PWWP3A: variants seen among roughly 807,000 people sequenced by gnomAD.
PWWP3A encodes the protein PWWP domain-containing DNA repair factor 3A.
A neutral mutation model predicts 79.0 loss-of-function variants in PWWP3A; 53 were observed. The observed-to-expected ratio is 0.67, with a 90% CI of 0.54 to 0.84. PWWP3A has a LOEUF of 0.84. Ranked by LOEUF, PWWP3A falls within the 40% of genes least tolerant of loss-of-function variation. PWWP3A has a pLI of 0.00. For synonymous variants in PWWP3A, 443 were observed against 394.4 expected (o/e 1.12, Z -1.46); for missense variants, 973 against 948.0 (o/e 1.03, Z -0.35).
rs1350936190 is a variant in PWWP3A, at chr19:1,368,743, T to C, written c.1423-522T>C. On this transcript the variant is annotated intron_variant, in intron 9 of 13. Transcript: ENST00000591337. The surrounding 1 kb of genome is among the most constrained non-coding windows in gnomAD (Gnocchi z 4.7). Reference sequence around the variant, plus strand: ...GACGATAGCTCCCAACAAAAACGGCTGTTAGAGCAGCTTATTTCCAGGACT... The same window carrying C: ...GACGATAGCTCCCAACAAAAACGGCCGTTAGAGCAGCTTATTTCCAGGACT... Among the ~76,000 whole-genome samples, 1 of 152,220 alleles carries C rather than the reference T, an allele frequency of 6.6e-6. No individual in the cohort carries two copies.
In PWWP3A at chr19:1,364,587, C is replaced by T; in HGVS notation, c.1284+8C>T. 1.3e-6 allele frequency: 2 copies of T among 1,585,492 alleles called. No individual in the cohort carries two copies. The highest frequency in any genetic ancestry group is 1.8e-4 in the Middle Eastern group (1 of 5,692). ...CCCTTCTGGCCAGCAGTGGTAAGAACAGCTTCCTCCGTCTTCTCAGATGTA... is the reference window on the plus strand; with the variant it reads ...CCCTTCTGGCCAGCAGTGGTAAGAATAGCTTCCTCCGTCTTCTCAGATGTA... On this transcript the variant is annotated splice_region_variant and intron_variant, in intron 7 of 13. Transcript: ENST00000591337.
At position 1,372,911 on chromosome 19, in the gene PWWP3A, A is replaced by G. The variant is rs1307010967; in HGVS notation, c.1987-161A>G. ...TTAATTAAGAAACATCATTACAAGC[A>G]GGGATTCATGGACTAGGTTTGCACC... On this transcript the variant is annotated intron_variant, in intron 12 of 13. Transcript: ENST00000591337. The G allele has an allele frequency of 2.5e-5, 15 of 600,786 alleles. No individual in the cohort carries two copies. In the South Asian group the frequency reaches 2.7e-4, roughly 11 times the overall value. 37.2% of individuals were successfully genotyped at this position (600,786 alleles called of 1,614,324 possible).
chr19:1,359,057 C>G (rs1413247437), intron 4 of PWWP3A: 2 of 278,750 alleles, frequency 7.2e-6, no homozygotes, highest in Non-Finnish European at 1.5e-5. Context: ...AGTTTAGCAC[C>G]CACCTCCTTT....
At chr19:1,364,241 A>C (rs1255758118) in intron 6 of PWWP3A, 1 of 620,508 alleles carries the variant, frequency 1.6e-6, no homozygotes, top group Non-Finnish European at 3.1e-6. Flanking sequence ...TCCCATCCCA[A>C]GGGTGCGTTT....
chr19:1,356,186 G>T, intron 1 of PWWP3A, 138 bp from the exon 2 acceptor site: 68 of 539,638 alleles, frequency 1.3e-4, no homozygotes, highest in Non-Finnish European at 1.6e-4. Context: ...TTTTGGCATT[G>T]AGCATCTCAA....
chr19:1,362,392 G>T (rs200241944), intron 6 of PWWP3A, 41 bp downstream of exon 6: 2 of 1,530,926 alleles, frequency 1.3e-6, no homozygotes, highest in Non-Finnish European at 1.8e-6. Context: ...CTAACGGTGC[G>T]CTCAGAGGCA....
At chr19:1,367,587 C>T (rs1000266374) in intron 9 of PWWP3A, among the ~76,000 whole-genome samples, 8 of 152,236 alleles carry the variant, frequency 5.3e-5, no homozygotes, top group African/African-American at 1.2e-4. Context: ...ACGGTGGCCT[C>T]GGTAGCCAGC....
chr19:1,376,607 C>G lies in PWWP3A; in HGVS notation c.*31C>G, dbSNP rs921054187. ...CAGCCGGCTGTGCTGTCAGCGGGGC[C>G]TGGCGGTGGAAGCGCCTCCAGTGTG... is the stretch of plus-strand genomic sequence containing the variant. On this transcript the variant is annotated 3_prime_UTR_variant, in exon 14 of 14. Coordinates refer to ENST00000591337, the MANE Select transcript of PWWP3A (RefSeq NM_001369789.1). 4 of 1,611,990 alleles carry G rather than the reference C, an allele frequency of 2.5e-6. No homozygotes were observed. The Admixed American group carries it at 6.7e-5, about 27-fold the overall frequency.
Position 1,360,281 on chromosome 19 carries a change from AG to A in PWWP3A, c.363del (p.Lys122SerfsTer108). The A allele has an allele frequency of 6.2e-7, 1 of 1,614,054 alleles. No homozygotes were observed. The highest frequency in any genetic ancestry group is 1.1e-5 in the South Asian group (1 of 91,068). Reference protein sequence around the residue: ...GTGRADRSLRGKPMEHVSSPC... With the variant: ...GTGRADRSLRXKPMEHVSSPC... ...CAGGTAGAGCTGACCGGTCTCTGCG[AG>A]GGAAGCCCATGGAGCATGTCTCCTC... On this transcript the variant is annotated frameshift_variant, in exon 5 of 14. Coordinates refer to ENST00000591337, the MANE Select transcript of PWWP3A (RefSeq NM_001369789.1). LOFTEE classifies it high-confidence loss of function. The surrounding 1 kb of genome is among the most constrained non-coding windows in gnomAD (Gnocchi z 4.4).
At chr19:1,359,699 T>C (rs1407582333) in intron 4 of PWWP3A, 3 of 153,804 alleles carry the variant, frequency 2.0e-5, no homozygotes, top group Non-Finnish European at 4.3e-5. Flanking sequence ...TCCTTTTCCT[T>C]GCTACCACCA....
At chr19:1,356,227 G>C (rs2081861007) in intron 1 of PWWP3A, 97 bp from the exon 2 acceptor site, 3 of 652,476 alleles carry the variant, frequency 4.6e-6, no homozygotes, top group East Asian at 2.9e-5. Context: ...CCATCTACTT[G>C]AGGCTAAGTC....
rs1202793623 is a variant in PWWP3A at position 1,361,017 on chromosome 19, C to G, written c.1096C>G (p.Gln366Glu). The stretch of plus-strand genomic sequence containing the variant: ...CAGATGTCTTCCTTGCCCGGATTCC[C>G]AGAAGCTGGAGAAAGGTAAAAGTTT... ...ATRCLPCPDS[Q>E]KLEKECQSSE... The change falls in exon 5 of 14, where the codon CAG (glutamine) becomes GAG (glutamate). Residue 366 changes from glutamine to glutamate, a missense_variant. Physicochemically the swap from Gln to Glu is conservative, Grantham distance 29 (BLOSUM62 2). Transcript: ENST00000591337. The G allele has an allele frequency of 3.5e-6, 5 of 1,428,482 alleles. No homozygotes were observed. Among genetic ancestry groups the G allele is most frequent in the Non-Finnish European group, 4.6e-6 (5 of 1,088,862 alleles). 88.5% of individuals were successfully genotyped at this position (1,428,482 alleles called of 1,614,324 possible).
rs1241905718 is a variant in PWWP3A, at chr19:1,369,348, G to C, written c.1498+8G>C. The C allele has an allele frequency of 1.2e-6, 2 of 1,613,052 alleles. No homozygotes were observed. The highest frequency in any genetic ancestry group is 1.7e-6 in the Non-Finnish European group (2 of 1,179,916). ...ACTACAGGGTCCGGTTAGGTACGTG[G>C]GGTGCTGGGGAGGGGTGGAGCTGGG... On this transcript the variant is annotated splice_region_variant and intron_variant, in intron 10 of 13. Coordinates refer to ENST00000591337, the MANE Select transcript of PWWP3A (RefSeq NM_001369789.1). The surrounding 1 kb of genome is among the most constrained non-coding windows in gnomAD (Gnocchi z 4.0).
At chr19:1,373,350 G>A in intron 13 of PWWP3A, 190 bp downstream of exon 13, 1 of 599,120 alleles carries the variant, frequency 1.7e-6, no homozygotes, top group Admixed American at 2.9e-5. Flanking sequence ...CCCCAGGAAG[G>A]CTGTGCCCGG....
chr19:1,367,725 T>C (rs1600115555), intron 9 of PWWP3A, among the ~76,000 whole-genome samples: 1 of 152,368 alleles, frequency 6.6e-6, no homozygotes, highest in South Asian at 2.1e-4. Flanking sequence ...TCCCTGGATC[T>C]GCAGCCAGCT....
intron 12 of PWWP3A, chr19:1,371,471 T>C (rs1201251908): frequency 2.9e-6 from 2 of 689,698 alleles, no homozygotes; most frequent in Non-Finnish European, 2.7e-6. Context: ...CCACTGTAAG[T>C]TGAAAAACTG....
chr19:1,355,382 C>A (rs1474799405), intron 1 of PWWP3A, among the ~76,000 whole-genome samples: 1 of 151,802 alleles, frequency 6.6e-6, no homozygotes, highest in African/African-American at 2.4e-5. Flanking sequence ...CCCGCTCCCC[C>A]ATCCTTGCTG....
chr19:1,363,439 C>A (rs1237931077), intron 6 of PWWP3A, among the ~76,000 whole-genome samples: 2 of 152,210 alleles, frequency 1.3e-5, no homozygotes, highest in East Asian at 3.8e-4. Context: ...TGCTGTGGGG[C>A]ACCCATTGGG....
chr19:1,370,705 A>C lies in PWWP3A; in HGVS notation c.1613A>C (p.Lys538Thr). Residue 538 changes from lysine (K) to threonine (T), a missense_variant, in exon 12 of 14, where the codon AAG becomes ACG. Lys to Thr is a moderately conservative substitution (Grantham distance 78). Transcript: ENST00000591337. ...VLGTKLPQLS[K>T]GSPEEPVVGC... ...GGGACCAAGCTTCCTCAACTGAGCA[A>C]GGGGAGCCCCGAGGAGCCCGTGGTG... 3 of 1,460,792 alleles carry C rather than the reference A, an allele frequency of 2.1e-6. No individual in the cohort carries two copies. Among genetic ancestry groups the C allele is most frequent in the Non-Finnish European group, 2.7e-6 (3 of 1,104,752 alleles). The allele number at this position is 1,460,792 out of a possible 1,614,324, so 90.5% of individuals were successfully genotyped here. A position where few individuals can be genotyped will look rare whatever the true frequency, so the allele number is the denominator to read the frequency against.
Sources: gnomAD v4.1 joint callset for allele counts (sites outside exome capture counted in the v4.1 genomes callset) on GRCh38, gnomAD v4.1.1 for gene constraint, Gnocchi (gnomAD v3.1) non-coding constraint, MANE v1.5 for transcripts, NCBI Gene and HGNC (gene_info 2026-07-23, HGNC 2026-07-21) for gene names.